The following IL16 variants were observed in gnomAD, a reference collection of about 807,000 sequenced individuals.
IL16 encodes interleukin 16.
In IL16, 67 loss-of-function variants were observed where a neutral mutation model predicts 110.1. The ratio of observed to expected loss-of-function variants is 0.61; its 90% confidence interval spans 0.50 to 0.75. IL16 has a LOEUF of 0.75. Among genes scored for constraint, IL16 ranks in the 30% least tolerant of loss-of-function variants. IL16 has a pLI of 0.00. For missense variants in IL16, 1,545 were observed against 1,655.0 expected (o/e 0.93, Z 1.15); for synonymous variants, 689 against 662.9 (o/e 1.04, Z -0.61).
chr15:81,239,721 G>A (rs1430991937), intron 2 of IL16, among the ~76,000 whole-genome samples: 1 of 152,168 alleles, frequency 6.6e-6, no homozygotes, highest in African/African-American at 2.4e-5. Flanking sequence ...GTCTTTGCTG[G>A]TCTTCCTCCT....
At chr15:81,305,034 G>A (rs549733737) in intron 16 of IL16, among the ~76,000 whole-genome samples, 1 of 152,312 alleles carries the variant, frequency 6.6e-6, no homozygotes, top group Non-Finnish European at 1.5e-5. Context: ...GTGACTGGAG[G>A]TAAAGAGTCA....
intron 12 of IL16, chr15:81,295,633 G>T (rs1429560232): frequency 3.8e-6 from 2 of 531,714 alleles, no homozygotes; most frequent in East Asian, 1.4e-4. Flanking sequence ...TTTTTTTAAG[G>T]GCTAGTTCGA....
At chr15:81,243,036 C>A (rs1478882451) in intron 2 of IL16, among the ~76,000 whole-genome samples, 1 of 149,200 alleles carries the variant, frequency 6.7e-6, no homozygotes, top group Non-Finnish European at 1.5e-5. Context: ...GAATATTGAG[C>A]CATCCTTGCA....
At chr15:81,307,839 G>A (rs1900649899) in intron 18 of IL16, among the ~76,000 whole-genome samples, 1 of 152,176 alleles carries the variant, frequency 6.6e-6, no homozygotes, top group South Asian at 2.1e-4. Flanking sequence ...TTCCTCAGCT[G>A]TTAAAAGGAA....
intron 1 of IL16, among the ~76,000 whole-genome samples, chr15:81,205,627 A>G (rs1895988604): frequency 6.6e-6 from 1 of 152,154 alleles, no homozygotes; most frequent in Non-Finnish European, 1.5e-5. Flanking sequence ...AAAACATGTG[A>G]GAAGAAAGAT....
chr15:81,293,101 A>G (rs994545003), intron 12 of IL16, 64 bp downstream of exon 12: 1 of 1,517,916 alleles, frequency 6.6e-7, no homozygotes, highest in Admixed American at 2.1e-5. Context: ...AGCATGGGCA[A>G]ATTAGCAAGT....
Position 81,279,901 on chromosome 15 carries a change from A to G in IL16, c.1081+127A>G, listed in dbSNP as rs1051084511. The G allele has an allele frequency of 6.6e-5, 51 of 770,594 alleles. No homozygotes were observed. In the East Asian group the frequency reaches 1.3e-3, roughly 20 times the overall value. The allele number at this position is 770,594 out of a possible 1,614,324, so 47.7% of individuals were successfully genotyped here. ...TTGTCTTTTAGCACATTTTACAGCT[A>G]CTGCTTGGAGCCAGGTCGAGTCTTC... On this transcript the variant is annotated intron_variant, in intron 8 of 18. Transcript: ENST00000683961.
intron 5 of IL16, among the ~76,000 whole-genome samples, chr15:81,271,540 C>G (rs971156596): frequency 6.6e-6 from 1 of 152,070 alleles, no homozygotes; most frequent in Admixed American, 6.5e-5. Context: ...GGTTGCAGGA[C>G]TCGTCCAAGG....
intron 1 of IL16, among the ~76,000 whole-genome samples, chr15:81,189,426 T>C (rs1895465718): frequency 6.6e-6 from 1 of 152,112 alleles, no homozygotes; most frequent in African/African-American, 2.4e-5. Flanking sequence ...ACCTGGCCCA[T>C]ACCAAGCTAA....
intron 1 of IL16, among the ~76,000 whole-genome samples, chr15:81,183,454 T>C (rs185668827): frequency 2.6e-5 from 4 of 152,184 alleles, no homozygotes; most frequent in African/African-American, 9.7e-5. Flanking sequence ...ATGAGAGCAT[T>C]TCTTATTAAA....
At chr15:81,280,609 G>C (rs1037763400) in intron 8 of IL16, among the ~76,000 whole-genome samples, 2 of 152,240 alleles carry the variant, frequency 1.3e-5, no homozygotes, top group African/African-American at 4.8e-5. Context: ...CAGGGATTGG[G>C]AGTAGTGGAT....
rs1240449200 is a variant in IL16, at chr15:81,275,365, GGGAGGGGAGGGGA to G, written c.790+2164_790+2176del. ...AAGCAGTTGACGGGGGAGGAGGGGG[GGGAGGGGAGGGGA>G]GGGGAGGGGAGGGGAGGGGAGGGCC... is the stretch of plus-strand genomic sequence containing the variant. On this transcript the variant is annotated intron_variant, in intron 6 of 18. Transcript: ENST00000683961. Among the ~76,000 whole-genome samples, 476 of 55,216 alleles carry G rather than the reference GGGAGGGGAGGGGA, an allele frequency of 8.6e-3. 19 individuals are homozygous for G. The highest frequency in any genetic ancestry group is 0.01 in the Non-Finnish European group (300 of 28,822). The allele number at this position is 55,216 out of a possible 152,430, so 36.2% of individuals were successfully genotyped here. A position where few individuals can be genotyped will look rare whatever the true frequency, so the allele number is the denominator to read the frequency against.
chr15:81,183,390 C>A (rs1001568944), intron 1 of IL16, among the ~76,000 whole-genome samples: 1 of 152,232 alleles, frequency 6.6e-6, no homozygotes, highest in Non-Finnish European at 1.5e-5. Flanking sequence ...GATCTGAGAA[C>A]TGGGAGGGGC....
In IL16 at chr15:81,245,724, C is replaced by CTTTTTTTTTTTTT. The variant is rs1009292228; in HGVS notation, c.313-14036_313-14024dup. 4.9e-4 allele frequency among the ~76,000 whole-genome samples: 30 copies of CTTTTTTTTTTTTT among 61,270 alleles called. 2 individuals are homozygous for CTTTTTTTTTTTTT. The highest frequency in any genetic ancestry group is 6.1e-4 in the African/African-American group (9 of 14,672). 40.2% of individuals were successfully genotyped at this position (61,270 alleles called of 152,430 possible). On this transcript the variant is annotated intron_variant, in intron 2 of 18. Transcript: ENST00000683961. ...TAGAGAGATCAGACTTTTGTTTTGG[C>CTTTTTTTTTTTTT]TTTTTTTTTTTTTTTTTTTTTTTTG... is the stretch of plus-strand genomic sequence containing the variant.
chr15:81,267,424 C>T (rs1898429946), intron 4 of IL16, among the ~76,000 whole-genome samples: 2 of 151,194 alleles, frequency 1.3e-5, no homozygotes. Context: ...GGAGACAGAA[C>T]CAATAAGAGA....
chr15:81,292,606 G>T lies in IL16; in HGVS notation c.1471G>T (p.Glu491Ter). 1 of 1,606,924 alleles carries T rather than the reference G, an allele frequency of 6.2e-7. No homozygotes were observed. The highest frequency in any genetic ancestry group is 8.5e-7 in the Non-Finnish European group (1 of 1,174,144). ...SWHGRPTLEK[E>*]REKNSAPPHR... ...GCACGGGCGGCCCACCTTGGAGAAG[G>T]AACGAGAGAAGAACTCAGCACCCCC... is the stretch of plus-strand genomic sequence containing the variant. Residue 491 changes from glutamate to a stop codon, truncating the protein, a stop_gained, in exon 12 of 19, where the codon GAA (glutamate) becomes TAA (stop). Coordinates refer to ENST00000683961, the MANE Select transcript of IL16 (RefSeq NM_172217.5). LOFTEE classifies it high-confidence loss of function.
chr15:81,291,366 C>A (rs1378062267), intron 11 of IL16, among the ~76,000 whole-genome samples: 1 of 152,122 alleles, frequency 6.6e-6, no homozygotes, highest in African/African-American at 2.4e-5. Context: ...GATAGGAACA[C>A]AGGTGAAGTG....
intron 2 of IL16, among the ~76,000 whole-genome samples, chr15:81,234,691 A>T (rs11072995): frequency 0.24 from 36,021 of 151,950 alleles, 4,939 homozygotes; most frequent in African/African-American, 0.37. Flanking sequence ...TCCTTCCTGC[A>T]TTTATGTGTT....
rs1264592790 is a variant in IL16 at position 81,299,894 on chromosome 15, C to A, written c.2568C>A (p.Asp856Glu). 1 of 1,613,486 alleles carries A rather than the reference C, an allele frequency of 6.2e-7. No individual in the cohort carries two copies. The highest frequency in any genetic ancestry group is 8.5e-7 in the Non-Finnish European group (1 of 1,180,030). ...CCTTTGGCTCCTCTCAACTGCCTGA[C>A]AAAGGAGCCCAGAGACTGAGCCTCC... ...FETFGSSQLP[D>E]KGAQRLSLQP... is the part of the protein sequence containing the mutation. Residue 856 changes from aspartate (D) to glutamate (E), a missense_variant, in exon 14 of 19, where the codon GAC (aspartate) becomes GAA (glutamate). Asp to Glu is a conservative substitution (Grantham distance 45). Around this residue, in one of 3 missense-constraint regions of IL16, gnomAD observed 1,185 missense variants for 1,238.8 expected, o/e 0.96. Transcript: ENST00000683961.
Sources: gnomAD v4.1 joint callset for allele counts (sites outside exome capture counted in the v4.1 genomes callset) on GRCh38, gnomAD v4.1.1 for gene constraint, gnomAD v4.1.1 regional missense constraint, MANE v1.5 for transcripts, NCBI Gene and HGNC (gene_info 2026-07-23, HGNC 2026-07-21) for gene names.